FEM1B: variants seen among roughly 807,000 people sequenced by gnomAD.
The protein encoded by FEM1B is protein fem-1 homolog B.
FEM1B carries 10 observed loss-of-function variants against 38.6 expected under a neutral mutation model. That is an observed-to-expected ratio of 0.26 (90% confidence interval 0.16 to 0.44). The LOEUF (loss-of-function observed/expected upper bound fraction) is 0.44. FEM1B is among the 20% of genes least tolerant of loss of function. FEM1B has a pLI of 1.00. For missense variants in FEM1B, 471 were observed against 786.7 expected, an observed-to-expected ratio of 0.60 and a Z score of 4.80; for synonymous variants, 288 against 288.0, an observed-to-expected ratio of 1.00 and a Z score of 0.00.
intron 1 of FEM1B, among the ~76,000 whole-genome samples, chr15:68,282,024 G>A (rs55722829): frequency 0.011 from 1,613 of 152,306 alleles, 23 homozygotes; most frequent in African/African-American, 0.037. Context: ...ACATGAGTGG[G>A]AATGAAAGAA....
chr15:68,278,656 G>T lies in FEM1B; in HGVS notation c.239G>T (p.Arg80Leu), dbSNP rs1363465235. ...RVQTQQTGTV[R>L]FDGYVIDGAT... ...CAGACTCAGCAGACTGGCACCGTCCGCTTCGACGGGTAGGTACATCCCAAG... is the reference window on the plus strand; with the variant it reads ...CAGACTCAGCAGACTGGCACCGTCCTCTTCGACGGGTAGGTACATCCCAAG... Residue 80 changes from arginine to leucine, a missense_variant, in exon 1 of 2, where the codon CGC becomes CTC. This residue lies in a region of FEM1B where 91 missense variants were observed against 169.6 expected (regional missense o/e 0.54). Transcript: ENST00000306917. The surrounding 1 kb of genome is among the most constrained non-coding windows in gnomAD (Gnocchi z 5.7). 6.2e-7 allele frequency: 1 copy of T among 1,613,716 alleles called. No homozygotes were observed. The highest frequency in any genetic ancestry group is 1.3e-5 in the African/African-American group (1 of 74,900).
At position 68,290,540 on chromosome 15, in the gene FEM1B, A is replaced by G. The variant is rs375876991; in HGVS notation, c.1182A>G (p.Gln394=). 8.1e-6 allele frequency: 13 copies of G among 1,614,072 alleles called. No homozygotes were observed. The African/African-American group carries it at 1.5e-4, about 18-fold the overall frequency. The change falls in exon 2 of 2, where the codon CAA becomes CAG. Residue 394 remains glutamine (Q), a synonymous_variant. Transcript: ENST00000306917. This position sits in a 1 kb window ranked among gnomAD's most constrained non-coding sequence, Gnocchi z 9.7. ...DLLRFAQVFS[Q]MIHLNETVKA... Reference sequence around the variant, plus strand: ...TTCGATTTGCTCAAGTTTTCTCACAAATGATACATTTGAATGAAACTGTGA... The same window carrying G: ...TTCGATTTGCTCAAGTTTTCTCACAGATGATACATTTGAATGAAACTGTGA...
rs1389628539 is a variant in FEM1B at position 68,292,685 on chromosome 15, C to A, written c.*1443C>A. On this transcript the variant is annotated 3_prime_UTR_variant, in exon 2 of 2. Transcript: ENST00000306917. ...AAGCATTATAATGATGTAGCAGCATCAGATATAAACTTAAAAAAAAAGGTT... is the reference window on the plus strand; with the variant it reads ...AAGCATTATAATGATGTAGCAGCATAAGATATAAACTTAAAAAAAAAGGTT... 1.3e-5 allele frequency: 2 copies of A among 149,288 alleles called. No individual in the cohort carries two copies. Among genetic ancestry groups the A allele is most frequent in the African/African-American group, 4.9e-5 (2 of 40,532 alleles). 9.2% of individuals were successfully genotyped at this position (149,288 alleles called of 1,614,324 possible). A position where few individuals can be genotyped will look rare whatever the true frequency, so the allele number is the denominator to read the frequency against.
At chr15:68,283,053 G>A (rs1053018912) in intron 1 of FEM1B, among the ~76,000 whole-genome samples, 1 of 152,058 alleles carries the variant, frequency 6.6e-6, no homozygotes, top group Admixed American at 6.6e-5. Flanking sequence ...TCAAATGACT[G>A]TAGCTCAAGG....
intron 1 of FEM1B, among the ~76,000 whole-genome samples, chr15:68,282,991 T>A (rs1892744114): frequency 6.6e-6 from 1 of 152,312 alleles, no homozygotes; most frequent in East Asian, 1.9e-4. Context: ...ATCTTTAAAA[T>A]TTTTAATTGC....
rs748839135 is a variant in FEM1B, at chr15:68,291,224, G to A, written c.1866G>A (p.Glu622=). ...YQDQIPRTLE[E]FVGFH Reference sequence around the variant, plus strand: ...ACCAGATCCCCAGAACTCTTGAAGAGTTTGTTGGATTTCATTAAGTGACTG... The same window carrying A: ...ACCAGATCCCCAGAACTCTTGAAGAATTTGTTGGATTTCATTAAGTGACTG... The change falls in exon 2 of 2, where the codon GAG becomes GAA. Residue 622 remains glutamate (E), a synonymous_variant. Coordinates refer to ENST00000306917, the MANE Select transcript of FEM1B (RefSeq NM_015322.5). This position sits in a 1 kb window ranked among gnomAD's most constrained non-coding sequence, Gnocchi z 6.9. The A allele has an allele frequency of 5.7e-6, 9 of 1,589,424 alleles. No homozygotes were observed. The East Asian group carries it at 2.0e-4, about 36-fold the overall frequency.
intron 1 of FEM1B, among the ~76,000 whole-genome samples, chr15:68,286,320 A>G (rs1012398241): frequency 6.6e-6 from 1 of 151,034 alleles, no homozygotes; most frequent in Non-Finnish European, 1.5e-5. Flanking sequence ...CTTGAAGATT[A>G]TCTTGGTTGT....
At position 68,289,593 on chromosome 15, in the gene FEM1B, C is replaced by G. The variant is rs1182173453; in HGVS notation, c.249-14C>G. The G allele has an allele frequency of 1.2e-6, 2 of 1,607,808 alleles. No individual in the cohort carries two copies. The highest frequency in any genetic ancestry group is 1.7e-4 in the Middle Eastern group (1 of 5,804). On this transcript the variant is annotated splice_polypyrimidine_tract_variant and intron_variant, in intron 1 of 1. Coordinates refer to ENST00000306917, the MANE Select transcript of FEM1B (RefSeq NM_015322.5). This position sits in a 1 kb window ranked among gnomAD's most constrained non-coding sequence, Gnocchi z 6.9. The stretch of plus-strand genomic sequence containing the variant: ...GGCCTCTGTTATCTAACTGCTTATT[C>G]TTTTCATGTGTAGGTATGTCATTGA...
intron 1 of FEM1B, among the ~76,000 whole-genome samples, chr15:68,287,975 G>A (rs920835472): frequency 1.3e-5 from 2 of 151,958 alleles, no homozygotes; most frequent in East Asian, 1.9e-4. Context: ...GATTATAGGC[G>A]TGTGCCACCA....
At chr15:68,283,074 G>A (rs1892744863) in intron 1 of FEM1B, among the ~76,000 whole-genome samples, 2 of 152,068 alleles carry the variant, frequency 1.3e-5, no homozygotes, top group Admixed American at 1.3e-4. Context: ...GAAAAAAATG[G>A]AAATTATTAG....
rs765769539 is a variant in FEM1B, at chr15:68,281,252, G to GAAGT, written c.248+2589_248+2592dup. The stretch of plus-strand genomic sequence containing the variant: ...ATATAGGGATTAACAGCTGTGTGCT[G>GAAGT]AAGTAGATTAGTGTTTCTAATTTTT... On this transcript the variant is annotated intron_variant, in intron 1 of 1. Coordinates refer to ENST00000306917, the MANE Select transcript of FEM1B (RefSeq NM_015322.5). The surrounding 1 kb of genome is among the most constrained non-coding windows in gnomAD (Gnocchi z 5.1). Among the ~76,000 whole-genome samples the GAAGT allele has an allele frequency of 1.4e-4, 21 of 152,242 alleles. No homozygotes were observed. The highest frequency in any genetic ancestry group is 5.8e-4 in the East Asian group (3 of 5,198).
chr15:68,278,327 C>T lies in FEM1B; in HGVS notation c.-91C>T. On this transcript the variant is annotated 5_prime_UTR_variant, in exon 1 of 2. Coordinates refer to ENST00000306917, the MANE Select transcript of FEM1B (RefSeq NM_015322.5). This position sits in a 1 kb window ranked among gnomAD's most constrained non-coding sequence, Gnocchi z 5.7. ...GCCCTGTTGAATGGGCTGTGAGGGC[C>T]CAGGTTTAAAGCGCTGGCGAACGCG... 6.7e-7 allele frequency: 1 copy of T among 1,483,756 alleles called. No individual in the cohort carries two copies. The highest frequency in any genetic ancestry group is 1.4e-5 in the African/African-American group (1 of 71,524). 91.9% of individuals were successfully genotyped at this position (1,483,756 alleles called of 1,614,324 possible). A position where few individuals can be genotyped will look rare whatever the true frequency, so the allele number is the denominator to read the frequency against.
Position 68,281,568 on chromosome 15 carries a change from G to T in FEM1B, c.248+2903G>T, listed in dbSNP as rs1488168914. Among the ~76,000 whole-genome samples the T allele has an allele frequency of 2.6e-5, 4 of 151,972 alleles. No individual in the cohort carries two copies. Among genetic ancestry groups the T allele is most frequent in the Admixed American group, 1.3e-4 (2 of 15,258 alleles). On this transcript the variant is annotated intron_variant, in intron 1 of 1. Transcript: ENST00000306917. This position sits in a 1 kb window ranked among gnomAD's most constrained non-coding sequence, Gnocchi z 5.1. ...TAAAGTGGATTCATGATAGAGCCTC[G>T]AGGGGAAAGGGACCACCCACCTAGA...
Position 68,290,642 on chromosome 15 carries a change from T to C in FEM1B, c.1284T>C (p.Ile428=). ...IEQSMNRVKN[I]SDADVHNAMD... is the part of the protein sequence containing the mutation. ...AAAGTATGAACAGAGTGAAAAATAT[T>C]TCAGATGCTGATGTCCACAATGCTA... The change falls in exon 2 of 2, where the codon ATT becomes ATC. Residue 428 remains isoleucine (I), a synonymous_variant. Coordinates refer to ENST00000306917, the MANE Select transcript of FEM1B (RefSeq NM_015322.5). The surrounding 1 kb of genome is among the most constrained non-coding windows in gnomAD (Gnocchi z 9.7). 1 of 1,614,134 alleles carries C rather than the reference T, an allele frequency of 6.2e-7. No homozygotes were observed. The highest frequency in any genetic ancestry group is 8.5e-7 in the Non-Finnish European group (1 of 1,179,976).
Position 68,278,232 on chromosome 15 carries a change from C to T in FEM1B, c.-186C>T, listed in dbSNP as rs1269297739. On this transcript the variant is annotated 5_prime_UTR_variant, in exon 1 of 2. Coordinates refer to ENST00000306917, the MANE Select transcript of FEM1B (RefSeq NM_015322.5). This position sits in a 1 kb window ranked among gnomAD's most constrained non-coding sequence, Gnocchi z 5.7. ...TGGGTCGCGGACGTGCCCTTCGCGG[C>T]ACTCGGCCTCCTCTGCGTCTCCGCC... 9.1e-6 allele frequency: 7 copies of T among 771,356 alleles called. No homozygotes were observed. The highest frequency in any genetic ancestry group is 1.2e-5 in the Non-Finnish European group (6 of 505,204). 47.8% of individuals were successfully genotyped at this position (771,356 alleles called of 1,614,324 possible). A position where few individuals can be genotyped will look rare whatever the true frequency, so the allele number is the denominator to read the frequency against.
rs773060355 is a variant in FEM1B at position 68,291,214 on chromosome 15, C to T, written c.1856C>T (p.Thr619Ile). Residue 619 changes from threonine to isoleucine, a missense_variant, in exon 2 of 2, where the codon ACT (threonine) becomes ATT (isoleucine). This residue lies in a region of FEM1B where 380 missense variants were observed against 599.6 expected (regional missense o/e 0.63). Coordinates refer to ENST00000306917, the MANE Select transcript of FEM1B (RefSeq NM_015322.5). The surrounding 1 kb of genome is among the most constrained non-coding windows in gnomAD (Gnocchi z 6.9). ...AACTACCAAGACCAGATCCCCAGAA[C>T]TCTTGAAGAGTTTGTTGGATTTCAT... is the stretch of plus-strand genomic sequence containing the variant. ...DINYQDQIPR[T>I]LEEFVGFH 2 of 1,600,594 alleles carry T rather than the reference C, an allele frequency of 1.2e-6. No individual in the cohort carries two copies. Among genetic ancestry groups the T allele is most frequent in the Admixed American group, 1.8e-5 (1 of 56,706 alleles).
intron 1 of FEM1B, among the ~76,000 whole-genome samples, chr15:68,285,494 A>G (rs1308855057): frequency 1.3e-5 from 2 of 152,224 alleles, no homozygotes; most frequent in Admixed American, 6.5e-5. Context: ...TCCACCAGCA[A>G]TGAGAATGTC....
intron 1 of FEM1B, among the ~76,000 whole-genome samples, chr15:68,287,910 G>C (rs1289043269): frequency 6.8e-6 from 1 of 147,230 alleles, no homozygotes; most frequent in Non-Finnish European, 1.5e-5. Context: ...GTCAGCTCAC[G>C]GCAACCTCTG....
rs1306458684 is a variant in FEM1B at position 68,289,405 on chromosome 15, C to T, written c.249-202C>T. 5.2e-6 allele frequency: 3 copies of T among 578,534 alleles called. No individual in the cohort carries two copies. The highest frequency in any genetic ancestry group is 6.1e-6 in the Non-Finnish European group (2 of 325,520). The allele number at this position is 578,534 out of a possible 1,614,324, so 35.8% of individuals were successfully genotyped here. A position where few individuals can be genotyped will look rare whatever the true frequency, so the allele number is the denominator to read the frequency against. The stretch of plus-strand genomic sequence containing the variant: ...TATACTCTAGTAGTAACAGTAATAG[C>T]TAGCATATATTGAGCTTTATATTAG... On this transcript the variant is annotated intron_variant, in intron 1 of 1. Transcript: ENST00000306917. This position sits in a 1 kb window ranked among gnomAD's most constrained non-coding sequence, Gnocchi z 6.9.
Sources: allele counts gnomAD v4.1 joint callset (sites outside exome capture counted in the v4.1 genomes callset), GRCh38; gene constraint gnomAD v4.1.1; regional missense constraint gnomAD v4.1.1; non-coding constraint Gnocchi (gnomAD v3.1); transcripts MANE v1.5; gene names NCBI Gene and HGNC (gene_info 2026-07-23, HGNC 2026-07-21).